Variants in CDC42 observed in about 807,000 individuals in gnomAD.
CDC42 encodes cell division control protein 42 homolog.
In CDC42, 1 loss-of-function variant was observed where a neutral mutation model predicts 20.8. That is an observed-to-expected ratio of 0.05 (90% CI 0.02 to 0.23). The LOEUF (loss-of-function observed/expected upper bound fraction) is 0.23. Among genes scored for constraint, CDC42 ranks in the 10% least tolerant of loss-of-function variants. The pLI is 1.00. For synonymous variants in CDC42, 72 were observed against 84.8 expected (o/e 0.85, Z 0.83); for missense variants, 49 against 227.9 (o/e 0.21, Z 5.05).
At chr1:22,069,143 C>A (rs3123460) in intron 1 of CDC42, among the ~76,000 whole-genome samples, 140,469 of 148,406 alleles carry the variant, frequency 0.95, 66,562 homozygotes, top group East Asian at 1. Context: ...TTGAGGAAAA[C>A]ATCTTATTGT....
intron 1 of CDC42, among the ~76,000 whole-genome samples, chr1:22,072,207 C>T (rs1645500355): frequency 6.8e-6 from 1 of 146,466 alleles, no homozygotes; most frequent in Non-Finnish European, 1.5e-5. Context: ...ATGCCATTCT[C>T]CTGCCTCAGC....
intron 5 of CDC42, among the ~76,000 whole-genome samples, chr1:22,091,096 A>C (rs1645711303): frequency 6.6e-6 from 1 of 152,190 alleles, no homozygotes; most frequent in African/African-American, 2.4e-5. Context: ...TTTATGTAAA[A>C]TGTTTCAGCA....
chr1:22,081,498 C>A (rs1352528349), intron 2 of CDC42, among the ~76,000 whole-genome samples: 1 of 152,212 alleles, frequency 6.6e-6, no homozygotes, highest in Non-Finnish European at 1.5e-5. Context: ...TTTATCCAGG[C>A]TGCTGGGGTA....
intron 1 of CDC42, among the ~76,000 whole-genome samples, chr1:22,054,905 ATATATATATATATATATTTTTTTTT>A (rs1645279670): frequency 8.3e-5 from 1 of 12,112 alleles, no homozygotes; most frequent in Non-Finnish European, 2.0e-4. Flanking sequence ...ATATATATAT[ATATATATATATATATATTTTTTTTT>A]TTTTTTTTTT....
intron 3 of CDC42, among the ~76,000 whole-genome samples, chr1:22,084,345 T>TTG (rs1393596801): frequency 2.1e-5 from 3 of 145,384 alleles, no homozygotes; most frequent in East Asian, 2.0e-4. Context: ...GTTTTTTTTT[T>TTG]TTTTTTTTTT....
At chr1:22,089,866 G>T in intron 5 of CDC42, 2 of 1,399,844 alleles carry the variant, frequency 1.4e-6, no homozygotes, top group Non-Finnish European at 2.0e-6. Context: ...CATTTAATCC[G>T]GACTGCTGTT....
At chr1:22,080,335 A>AG (rs1645594958) in intron 2 of CDC42, among the ~76,000 whole-genome samples, 1 of 152,166 alleles carries the variant, frequency 6.6e-6, no homozygotes, top group African/African-American at 2.4e-5. Context: ...TTAAGAAAAT[A>AG]ATCTGTTTGG....
At chr1:22,069,154 A>T (rs1645455177) in intron 1 of CDC42, among the ~76,000 whole-genome samples, 2 of 144,648 alleles carry the variant, frequency 1.4e-5, no homozygotes, top group South Asian at 4.4e-4. Context: ...ATCTTATTGT[A>T]ATCTCCATTT....
intron 3 of CDC42, among the ~76,000 whole-genome samples, chr1:22,085,954 T>C (rs1645657671): frequency 6.6e-6 from 1 of 152,196 alleles, no homozygotes; most frequent in Non-Finnish European, 1.5e-5. Context: ...CACGTGATTC[T>C]TCTGCCTCAG....
chr1:22,095,198 T>C lies in CDC42; in HGVS notation c.*3681T>C, dbSNP rs146009611. 0.011 allele frequency among the ~76,000 whole-genome samples: 1,684 copies of C among 152,322 alleles called. 30 individuals are homozygous for C. The highest frequency in any genetic ancestry group is 0.038 in the African/African-American group (1,587 of 41,570). On this transcript the variant is annotated 3_prime_UTR_variant, in exon 6 of 6. Coordinates refer to ENST00000656825, the MANE Select transcript of CDC42 (RefSeq NM_001791.4). ...TTTTCTGTAAGTCTTACTCTGTATC[T>C]ACCCGACTTCAGATCATGGTGATTT...
intron 1 of CDC42, chr1:22,068,417 G>A (rs1015334828): frequency 6.5e-6 from 1 of 153,266 alleles, no homozygotes; most frequent in Non-Finnish European, 1.5e-5. Context: ...TAATTGGCTT[G>A]ATCTCCCTTT....
intron 1 of CDC42, among the ~76,000 whole-genome samples, chr1:22,066,626 A>G (rs1196774233): frequency 1.3e-5 from 2 of 152,178 alleles, no homozygotes; most frequent in African/African-American, 4.8e-5. Context: ...GGTAATATGA[A>G]AGGAGTGTAA....
intron 1 of CDC42, among the ~76,000 whole-genome samples, chr1:22,057,456 C>T (rs1645314837): frequency 6.6e-6 from 1 of 152,210 alleles, no homozygotes; most frequent in African/African-American, 2.4e-5. Flanking sequence ...GCGATCTCGG[C>T]TCACCGCAAC....
intron 5 of CDC42, among the ~76,000 whole-genome samples, chr1:22,087,152 C>T (rs1454940506): frequency 6.6e-6 from 1 of 151,930 alleles, no homozygotes; most frequent in Non-Finnish European, 1.5e-5. Context: ...TTCAGATAAG[C>T]ATAAACTTGC....
chr1:22,082,507 C>A (rs1233091371), intron 3 of CDC42, among the ~76,000 whole-genome samples: 1 of 152,150 alleles, frequency 6.6e-6, no homozygotes, highest in Non-Finnish European at 1.5e-5. Flanking sequence ...TAATTTCTGA[C>A]TTTTCTCTAT....
intron 1 of CDC42, among the ~76,000 whole-genome samples, chr1:22,076,232 G>T (rs1480868076): frequency 6.6e-6 from 1 of 152,120 alleles, no homozygotes; most frequent in Non-Finnish European, 1.5e-5. Flanking sequence ...GGCCCAGGCA[G>T]TTGGATTACT....
chr1:22,069,796 T>G (rs1451091273), intron 1 of CDC42, among the ~76,000 whole-genome samples: 1 of 108,238 alleles, frequency 9.2e-6, no homozygotes, highest in African/African-American at 2.7e-5. Flanking sequence ...TTGTTTGTTT[T>G]TGTTGTTGTT....
At chr1:22,085,130 G>T (rs1570034620) in intron 3 of CDC42, among the ~76,000 whole-genome samples, 1 of 151,840 alleles carries the variant, frequency 6.6e-6, no homozygotes, top group East Asian at 1.9e-4. Flanking sequence ...TACTCAGAAG[G>T]TGGAGGCAGG....
chr1:22,075,884 G>A (rs1428092236), intron 1 of CDC42, among the ~76,000 whole-genome samples: 3 of 152,136 alleles, frequency 2.0e-5, no homozygotes, highest in Non-Finnish European at 2.9e-5. Flanking sequence ...CAGTCAGGTC[G>A]GGAAGTCTAA....
Sources: allele counts gnomAD v4.1 joint callset (sites outside exome capture counted in the v4.1 genomes callset), GRCh38; gene constraint gnomAD v4.1.1; transcripts MANE v1.5; gene names NCBI Gene and HGNC (gene_info 2026-07-23, HGNC 2026-07-21).